The following WDR70 variants were observed in gnomAD, a reference collection of about 807,000 sequenced individuals.
WDR70 encodes WD repeat domain 70, also known as WD repeat-containing protein 70.
In WDR70, 53 loss-of-function variants were observed where a neutral mutation model predicts 88.6. The observed-to-expected ratio is 0.60, with a 90% CI of 0.48 to 0.75. The LOEUF (loss-of-function observed/expected upper bound fraction) is 0.75, where lower values mean the gene tolerates loss of function less well. Among genes scored for constraint, WDR70 ranks in the 30% least tolerant of loss-of-function variants. WDR70 has a pLI of 0.00. For synonymous variants in WDR70, 280 were observed against 270.0 expected, an observed-to-expected ratio of 1.04 and a Z score of -0.36; for missense variants, 610 against 823.2, an observed-to-expected ratio of 0.74 and a Z score of 3.17.
At chr5:37,750,274 C>T (rs1748767473) in intron 17 of WDR70, among the ~76,000 whole-genome samples, 1 of 152,170 alleles carries the variant, frequency 6.6e-6, no homozygotes, top group Non-Finnish European at 1.5e-5. Context: ...TGACTCATGC[C>T]TGTAATCCCA....
intron 5 of WDR70, among the ~76,000 whole-genome samples, chr5:37,405,290 T>A (rs1487550785): frequency 2.6e-5 from 4 of 152,090 alleles, no homozygotes; most frequent in Non-Finnish European, 5.9e-5. Flanking sequence ...TGGAACAAAG[T>A]ACTCCCATTG....
At chr5:37,716,313 C>A (rs1234329683) in intron 13 of WDR70, among the ~76,000 whole-genome samples, 1 of 152,136 alleles carries the variant, frequency 6.6e-6, no homozygotes, top group South Asian at 2.1e-4. Context: ...TAAGATGTTA[C>A]GCAGGCATTG....
chr5:37,707,964 T>A (rs1218644876), intron 13 of WDR70, among the ~76,000 whole-genome samples: 741 of 39,160 alleles, frequency 0.019, 20 homozygotes, highest in Non-Finnish European at 0.025. Context: ...TATATATATA[T>A]ATATATATAT....
intron 13 of WDR70, among the ~76,000 whole-genome samples, chr5:37,707,728 A>G (rs1747369056): frequency 6.6e-6 from 1 of 151,264 alleles, no homozygotes; most frequent in Non-Finnish European, 1.5e-5. Context: ...CAGCCTGTCC[A>G]ACATGATGAA....
chr5:37,411,027 C>T (rs1267311210), intron 5 of WDR70, among the ~76,000 whole-genome samples: 1 of 152,228 alleles, frequency 6.6e-6, no homozygotes, highest in Middle Eastern at 3.2e-3. Flanking sequence ...ACCTACCTGG[C>T]AAATGAATCA....
chr5:37,633,987 AT>A (rs1744890224), intron 10 of WDR70, among the ~76,000 whole-genome samples: 1 of 151,768 alleles, frequency 6.6e-6, no homozygotes, highest in East Asian at 1.9e-4. Flanking sequence ...ACAGGAGAGT[AT>A]TTTTCAATAT....
chr5:37,531,095 A>G (rs1741468509), intron 9 of WDR70, among the ~76,000 whole-genome samples: 1 of 152,006 alleles, frequency 6.6e-6, no homozygotes, highest in African/African-American at 2.4e-5. Flanking sequence ...ATGTATTTGC[A>G]TGGTTTTGAG....
chr5:37,439,455 A>G (rs1750583721), intron 6 of WDR70, among the ~76,000 whole-genome samples: 1 of 152,158 alleles, frequency 6.6e-6, no homozygotes, highest in African/African-American at 2.4e-5. Context: ...TCTAGTCTGG[A>G]GAATTTTACA....
In WDR70 at chr5:37,479,936, A is replaced by G; in HGVS notation, c.789A>G (p.Val263=). The G allele has an allele frequency of 6.2e-7, 1 of 1,614,180 alleles. No individual in the cohort carries two copies. Among genetic ancestry groups the G allele is most frequent in the Non-Finnish European group, 8.5e-7 (1 of 1,180,014 alleles). ...AKVIDRDGFE[V]MECIKGDQYI... ...TGATTGACAGAGATGGTTTTGAAGTAATGGAATGTATAAAAGGAGACCAGT... is the reference window on the plus strand; with the variant it reads ...TGATTGACAGAGATGGTTTTGAAGTGATGGAATGTATAAAAGGAGACCAGT... The change falls in exon 8 of 18, where the codon GTA becomes GTG. Residue 263 remains valine, a synonymous_variant. Coordinates refer to ENST00000265107, the MANE Select transcript of WDR70 (RefSeq NM_018034.4).
chr5:37,743,626 A>C (rs1220976388), intron 17 of WDR70, among the ~76,000 whole-genome samples: 1 of 152,172 alleles, frequency 6.6e-6, no homozygotes, highest in Non-Finnish European at 1.5e-5. Context: ...ACTTGTCCCC[A>C]CAGCCCAACA....
chr5:37,428,733 A>G (rs1236912681), intron 5 of WDR70, among the ~76,000 whole-genome samples: 1 of 152,186 alleles, frequency 6.6e-6, no homozygotes, highest in Admixed American at 6.5e-5. Context: ...TCATTCTTGT[A>G]CAGGTCTTTT....
intron 9 of WDR70, among the ~76,000 whole-genome samples, chr5:37,544,949 A>G (rs1741941407): frequency 6.6e-6 from 1 of 152,158 alleles, no homozygotes; most frequent in Non-Finnish European, 1.5e-5. Flanking sequence ...GAATCTCAGA[A>G]AAGTAAACTT....
chr5:37,483,744 C>T (rs543723307), intron 8 of WDR70, among the ~76,000 whole-genome samples: 29 of 149,794 alleles, frequency 1.9e-4, no homozygotes, highest in Non-Finnish European at 3.0e-4. Context: ...CCACCTCCCT[C>T]CCGGACGGGG....
intron 9 of WDR70, among the ~76,000 whole-genome samples, chr5:37,517,964 G>C (rs1045415650): frequency 2.0e-5 from 3 of 147,792 alleles, no homozygotes; most frequent in Non-Finnish European, 4.5e-5. Flanking sequence ...ACCCTGGCTG[G>C]AGTGCAGTGT....
At chr5:37,706,084 T>C (rs1747313356) in intron 13 of WDR70, among the ~76,000 whole-genome samples, 1 of 152,238 alleles carries the variant, frequency 6.6e-6, no homozygotes, top group South Asian at 2.1e-4. Context: ...AAAACATAGC[T>C]TCTTAAAAAT....
intron 9 of WDR70, among the ~76,000 whole-genome samples, chr5:37,576,730 G>T (rs1243632133): frequency 6.7e-6 from 1 of 150,196 alleles, no homozygotes; most frequent in African/African-American, 2.5e-5. Context: ...TTTTAGGAAG[G>T]TCCTTAGGTG....
At chr5:37,581,439 A>AC (rs1489912240) in intron 9 of WDR70, among the ~76,000 whole-genome samples, 28 of 152,156 alleles carry the variant, frequency 1.8e-4, no homozygotes, top group Non-Finnish European at 2.9e-5. Context: ...CAGTTAGGAG[A>AC]CAGGAGTTAA....
chr5:37,426,834 T>C (rs1750139963), intron 5 of WDR70, among the ~76,000 whole-genome samples: 1 of 150,654 alleles, frequency 6.6e-6, no homozygotes, highest in Non-Finnish European at 1.5e-5. Context: ...CTTGCCAGAC[T>C]GGAATACAGT....
intron 17 of WDR70, among the ~76,000 whole-genome samples, chr5:37,732,858 A>G (rs1748190051): frequency 2.0e-5 from 3 of 151,978 alleles, no homozygotes; most frequent in Admixed American, 6.6e-5. Flanking sequence ...GAGATTTAGA[A>G]ATGGGGTGAG....
Sources: allele counts gnomAD v4.1 joint callset (sites outside exome capture counted in the v4.1 genomes callset), GRCh38; gene constraint gnomAD v4.1.1; transcripts MANE v1.5; gene names NCBI Gene and HGNC (gene_info 2026-07-23, HGNC 2026-07-21).